RHBDL3: variants seen among roughly 807,000 people sequenced by gnomAD.
RHBDL3 encodes rhomboid-related protein 3.
A neutral mutation model predicts 48.2 loss-of-function variants in RHBDL3; 28 were observed. The observed-to-expected ratio is 0.58, with a 90% CI of 0.43 to 0.80. The LOEUF (loss-of-function observed/expected upper bound fraction) is 0.80, where lower values mean the gene tolerates loss of function less well. RHBDL3 is among the 30% of genes least tolerant of loss of function. The pLI is 0.00. For missense variants in RHBDL3, 464 were observed against 542.7 expected, an observed-to-expected ratio of 0.85 and a Z score of 1.44; for synonymous variants, 208 against 232.3, an observed-to-expected ratio of 0.90 and a Z score of 0.95.
At chr17:32,281,199 A>G (rs2040034332) in intron 2 of RHBDL3, among the ~76,000 whole-genome samples, 1 of 152,084 alleles carries the variant, frequency 6.6e-6, no homozygotes, top group Non-Finnish European at 1.5e-5. Flanking sequence ...CAGGGCAGGC[A>G]GGCCCTGGTG....
In RHBDL3 at chr17:32,294,403, A is replaced by T; in HGVS notation, c.629A>T (p.Gln210Leu). ...GTTTACCACCCACAGCTGCGAGCAC[A>T]GGTTTGGCGCTACCTGACATACATC... ...SLVYHPQLRAQVWRYLTYIFM... is the reference protein window; with the variant it reads ...SLVYHPQLRALVWRYLTYIFM... Residue 210 changes from glutamine to leucine, a missense_variant, in exon 5 of 9, where the codon CAG becomes CTG. Gln to Leu is a moderately radical substitution (Grantham distance 113, BLOSUM62 -2). Coordinates refer to ENST00000269051, the MANE Select transcript of RHBDL3 (RefSeq NM_138328.3). 6.2e-7 allele frequency: 1 copy of T among 1,614,204 alleles called. No individual in the cohort carries two copies.
intron 2 of RHBDL3, among the ~76,000 whole-genome samples, chr17:32,279,325 G>T (rs889940721): frequency 2.0e-5 from 3 of 152,168 alleles, no homozygotes; most frequent in Admixed American, 6.5e-5. Context: ...ACATAAACTA[G>T]CTCCGAATGG....
intron 2 of RHBDL3, among the ~76,000 whole-genome samples, chr17:32,274,325 C>T (rs977097487): frequency 1.2e-4 from 19 of 152,166 alleles, no homozygotes; most frequent in Non-Finnish European, 2.4e-4. Context: ...TATCGTGACA[C>T]TGGGGCCATT....
intron 8 of RHBDL3, among the ~76,000 whole-genome samples, chr17:32,319,421 CAA>C (rs541383037): frequency 4.1e-4 from 33 of 79,836 alleles, no homozygotes; most frequent in Admixed American, 1.9e-3. Flanking sequence ...GATTCCGTCT[CAA>C]AAAAAAAAAA....
intron 3 of RHBDL3, among the ~76,000 whole-genome samples, chr17:32,285,663 G>A (rs2150710371): frequency 1.3e-5 from 2 of 152,266 alleles, no homozygotes; most frequent in South Asian, 4.1e-4. Context: ...AGAAAAGCGG[G>A]GTGAACAAGC....
intron 1 of RHBDL3, 41 bp from the exon 2 acceptor site, chr17:32,267,861 C>T: frequency 6.2e-7 from 1 of 1,613,374 alleles, no homozygotes; most frequent in Non-Finnish European, 8.5e-7. Flanking sequence ...CTTTCTTTCT[C>T]TCCTCTTCTT....
At chr17:32,292,097 T>C (rs2040344767) in intron 4 of RHBDL3, among the ~76,000 whole-genome samples, 1 of 152,078 alleles carries the variant, frequency 6.6e-6, no homozygotes, top group Non-Finnish European at 1.5e-5. Context: ...TAAACAGTTA[T>C]GCATATGCCC....
chr17:32,274,837 T>TATGC lies in RHBDL3; in HGVS notation c.135+6920_135+6923dup, dbSNP rs1216584011. On this transcript the variant is annotated intron_variant, in intron 2 of 8. Coordinates refer to ENST00000269051, the MANE Select transcript of RHBDL3 (RefSeq NM_138328.3). ...TTGTGCATGAGTGTGCATGTGTGTG[T>TATGC]ATGCATGCATGTGTGTTTGTGTGTG... Among the ~76,000 whole-genome samples, 20 of 152,182 alleles carry TATGC rather than the reference T, an allele frequency of 1.3e-4. No individual in the cohort carries two copies. The East Asian group carries it at 3.7e-3, about 28-fold the overall frequency.
At chr17:32,314,001 T>C (rs2040910612) in intron 7 of RHBDL3, among the ~76,000 whole-genome samples, 1 of 152,160 alleles carries the variant, frequency 6.6e-6, no homozygotes, top group African/African-American at 2.4e-5. Context: ...CTTTCTGATC[T>C]GTCCGACTCG....
At chr17:32,267,256 C>A (rs1039463405) in intron 1 of RHBDL3, among the ~76,000 whole-genome samples, 2 of 152,090 alleles carry the variant, frequency 1.3e-5, no homozygotes, top group African/African-American at 4.8e-5. Context: ...TGGCCCTAAA[C>A]CCCTGGCAGA....
chr17:32,304,212 T>C (rs1376604125), intron 6 of RHBDL3, among the ~76,000 whole-genome samples: 1 of 152,152 alleles, frequency 6.6e-6, no homozygotes, highest in Non-Finnish European at 1.5e-5. Context: ...CTCTCTCTCT[T>C]CCCCATGACT....
intron 5 of RHBDL3, 125 bp downstream of exon 5, chr17:32,294,567 C>A: frequency 1.1e-6 from 1 of 870,506 alleles, no homozygotes; most frequent in Non-Finnish European, 1.7e-6. Flanking sequence ...TTTGGGATGG[C>A]TGCTTGAAAC....
chr17:32,308,550 C>T (rs781057816), intron 7 of RHBDL3, among the ~76,000 whole-genome samples: 2 of 152,220 alleles, frequency 1.3e-5, no homozygotes, highest in Middle Eastern at 3.4e-3. Flanking sequence ...AGAGAGGCAG[C>T]GGGCAGTGAG....
chr17:32,291,454 G>C (rs1212463294), intron 4 of RHBDL3, among the ~76,000 whole-genome samples: 1 of 152,066 alleles, frequency 6.6e-6, no homozygotes, highest in African/African-American at 2.4e-5. Context: ...GGCCGAGGCG[G>C]GTGGGTCATT....
intron 3 of RHBDL3, 137 bp downstream of exon 3, chr17:32,284,954 G>T (rs1430062158): frequency 2.6e-6 from 2 of 758,818 alleles, no homozygotes; most frequent in East Asian, 2.6e-5. Flanking sequence ...GAGGTGAAAG[G>T]GTGCCACCAA....
intron 7 of RHBDL3, among the ~76,000 whole-genome samples, chr17:32,310,744 C>T (rs943192456): frequency 6.6e-6 from 1 of 151,784 alleles, no homozygotes; most frequent in African/African-American, 2.4e-5. Context: ...ATTAGCCAGG[C>T]GTGGTGGCGG....
At chr17:32,287,880 C>T (rs754137706) in intron 3 of RHBDL3, among the ~76,000 whole-genome samples, 17 of 152,288 alleles carry the variant, frequency 1.1e-4, no homozygotes, top group Non-Finnish European at 2.2e-4. Context: ...ACGGAGGCCT[C>T]GGGAGGCCAG....
At chr17:32,276,739 C>A (rs1328058528) in intron 2 of RHBDL3, among the ~76,000 whole-genome samples, 27 of 96,200 alleles carry the variant, frequency 2.8e-4, no homozygotes, top group African/African-American at 1.0e-3. Context: ...GCCCTAGCAC[C>A]TTACTCCAGC....
intron 2 of RHBDL3, among the ~76,000 whole-genome samples, chr17:32,279,565 G>A (rs1265978548): frequency 1.3e-5 from 2 of 152,202 alleles, no homozygotes; most frequent in African/African-American, 4.8e-5. Flanking sequence ...CTCACTCCAT[G>A]TGGAATTGCC....
Sources: gnomAD v4.1 joint callset for allele counts (sites outside exome capture counted in the v4.1 genomes callset) on GRCh38, gnomAD v4.1.1 for gene constraint, MANE v1.5 for transcripts, NCBI Gene and HGNC (gene_info 2026-07-23, HGNC 2026-07-21) for gene names.